Variants in GPLD1 observed in about 807,000 individuals in gnomAD.
GPLD1 encodes phosphatidylinositol-glycan-specific phospholipase D.
In GPLD1, 84 loss-of-function variants were observed where a neutral mutation model predicts 112.6. The observed-to-expected ratio is 0.75, with a 90% CI of 0.63 to 0.89. The LOEUF (loss-of-function observed/expected upper bound fraction) is 0.89. Among genes scored for constraint, GPLD1 ranks in the 40% least tolerant of loss-of-function variants. GPLD1 has a pLI of 0.00. For synonymous variants in GPLD1, 386 were observed against 403.8 expected (o/e 0.96, Z 0.53); for missense variants, 1,044 against 1,051.5 (o/e 0.99, Z 0.10).
chr6:24,460,129 C>T, intron 12 of GPLD1, 150 bp downstream of exon 12: 1 of 831,752 alleles, frequency 1.2e-6, no homozygotes, highest in East Asian at 2.5e-5. Context: ...AACTCCTGGA[C>T]TCAAGGGATC....
At chr6:24,488,134 G>A (rs1038883803) in intron 1 of GPLD1, among the ~76,000 whole-genome samples, 5 of 152,054 alleles carry the variant, frequency 3.3e-5, no homozygotes, top group Admixed American at 6.6e-5. Flanking sequence ...CAGGCCAGGC[G>A]CGATGGCTCA....
intron 22 of GPLD1, among the ~76,000 whole-genome samples, chr6:24,434,456 C>T (rs542032668): frequency 2.6e-5 from 4 of 151,708 alleles, no homozygotes; most frequent in Admixed American, 2.6e-4. Context: ...CAATTGTTAA[C>T]CAAAATATGC....
chr6:24,440,096 ACT>A (rs34913915), intron 20 of GPLD1, among the ~76,000 whole-genome samples: 18,528 of 152,058 alleles, frequency 0.12, 1,643 homozygotes, highest in East Asian at 0.43. Context: ...CACCAACTCT[ACT>A]CTCTTGAAAA....
At chr6:24,455,035 A>G (rs943939110) in intron 13 of GPLD1, among the ~76,000 whole-genome samples, 1 of 152,250 alleles carries the variant, frequency 6.6e-6, no homozygotes, top group Non-Finnish European at 1.5e-5. Flanking sequence ...AGGCTGAGGC[A>G]GGAGAATCAC....
chr6:24,491,886 G>A (rs1416082250), upstream of GPLD1, among the ~76,000 whole-genome samples: 1 of 152,132 alleles, frequency 6.6e-6, no homozygotes, highest in Non-Finnish European at 1.5e-5. Flanking sequence ...AATATTGCTT[G>A]CAGTTTTATG....
chr6:24,491,080 C>T (rs1218775990), upstream of GPLD1, among the ~76,000 whole-genome samples: 1 of 152,196 alleles, frequency 6.6e-6, no homozygotes, highest in Non-Finnish European at 1.5e-5. Context: ...CTGACGCTCC[C>T]ATGTGACACG....
Position 24,434,465 on chromosome 6 carries a change from G to A in GPLD1, c.2359-1076C>T, listed in dbSNP as rs138791028. On this transcript the variant is annotated intron_variant, in intron 22 of 24. Coordinates refer to ENST00000230036, the MANE Select transcript of GPLD1 (RefSeq NM_001503.4). ...GGATCACAATTGTTAACCAAAATAT[G>A]CACGCACATAGTGTAATACTTAAGG... Among the ~76,000 whole-genome samples the A allele has an allele frequency of 2.6e-3, 398 of 151,974 alleles. 1 individual carries two copies. The highest frequency in any genetic ancestry group is 9.0e-3 in the African/African-American group (372 of 41,440).
At chr6:24,468,910 C>A (rs1404325941) in intron 7 of GPLD1, among the ~76,000 whole-genome samples, 1 of 152,230 alleles carries the variant, frequency 6.6e-6, no homozygotes, top group Admixed American at 6.5e-5. Context: ...GAGGCTGTAT[C>A]ATGGGTGTGT....
chr6:24,429,978 T>G (rs1209688939), intron 24 of GPLD1, among the ~76,000 whole-genome samples: 1 of 152,242 alleles, frequency 6.6e-6, no homozygotes, highest in African/African-American at 2.4e-5. Flanking sequence ...GACAGTATTT[T>G]GGTCAGAGCA....
intron 6 of GPLD1, 115 bp from the exon 7 acceptor site, chr6:24,472,751 T>A (rs1192694874): frequency 7.2e-6 from 5 of 693,982 alleles, no homozygotes; most frequent in Non-Finnish European, 1.3e-5. Flanking sequence ...ATTACATGTT[T>A]TTGTTCATTG....
intron 22 of GPLD1, chr6:24,433,688 T>A (rs554559432): frequency 5.6e-5 from 16 of 283,524 alleles, no homozygotes; most frequent in South Asian, 5.3e-4. Context: ...AGAGAGGCGG[T>A]TTCACCACGT....
Position 24,426,572 on chromosome 6 carries a change from A to G in GPLD1, c.*2460T>C, listed in dbSNP as rs1762244875. On this transcript the variant is annotated 3_prime_UTR_variant, in exon 25 of 25. Coordinates refer to ENST00000230036, the MANE Select transcript of GPLD1 (RefSeq NM_001503.4). ...GAGAAAAATATAAATCGTGAGGTAA[A>G]TAATGGTCATGTTTAAACAGAGGCC... is the stretch of plus-strand genomic sequence containing the variant. Among the ~76,000 whole-genome samples the G allele has an allele frequency of 6.6e-6, 1 of 152,222 alleles. No homozygotes were observed. Among genetic ancestry groups the G allele is most frequent in the Non-Finnish European group, 1.5e-5 (1 of 68,040 alleles).
At chr6:24,442,090 T>C (rs1762766187) in intron 20 of GPLD1, among the ~76,000 whole-genome samples, 1 of 149,780 alleles carries the variant, frequency 6.7e-6, no homozygotes, top group Admixed American at 6.7e-5. Flanking sequence ...ATTATATACA[T>C]ACATAAAAGT....
chr6:24,474,332 A>G (rs932518010), intron 5 of GPLD1, among the ~76,000 whole-genome samples: 22 of 152,180 alleles, frequency 1.4e-4, no homozygotes, highest in African/African-American at 5.3e-4. Flanking sequence ...TGTAATTAAC[A>G]TAAATTAAGG....
chr6:24,445,306 T>C (rs939050406), intron 20 of GPLD1, among the ~76,000 whole-genome samples: 5 of 152,286 alleles, frequency 3.3e-5, no homozygotes, highest in Non-Finnish European at 5.9e-5. Flanking sequence ...GGATTACAGG[T>C]GTGAGCCACC....
At chr6:24,437,939 T>A (rs553161188) in intron 20 of GPLD1, among the ~76,000 whole-genome samples, 3 of 152,250 alleles carry the variant, frequency 2.0e-5, no homozygotes, top group African/African-American at 7.2e-5. Flanking sequence ...CTCCCATACA[T>A]AATAACACCG....
chr6:24,495,202 G>A, exon 1 of GPLD1: 1 of 1,506,722 alleles, frequency 6.6e-7, no homozygotes, highest in Non-Finnish European at 8.8e-7. Flanking sequence ...GGCGGCCGCT[G>A]GCTCCCGGCC....
At position 24,437,630 on chromosome 6, in the gene GPLD1, CA is replaced by C. The variant is rs1762623162; in HGVS notation, c.2021-342del. Among the ~76,000 whole-genome samples the C allele has an allele frequency of 2.0e-5, 3 of 152,286 alleles. No individual in the cohort carries two copies. The South Asian group carries it at 6.2e-4, about 32-fold the overall frequency. ...ACGCAAGTGGACTCTGGATGGAGTC[CA>C]AACTCTTCACAAGGCCTTACAGAAT... On this transcript the variant is annotated intron_variant, in intron 20 of 24. Coordinates refer to ENST00000230036, the MANE Select transcript of GPLD1 (RefSeq NM_001503.4).
intron 2 of GPLD1, among the ~76,000 whole-genome samples, chr6:24,482,514 C>G (rs1459062706): frequency 6.6e-6 from 1 of 152,188 alleles, no homozygotes; most frequent in East Asian, 1.9e-4. Flanking sequence ...CTCCTGACCT[C>G]AGGTGATCCA....
Sources: allele counts gnomAD v4.1 joint callset (sites outside exome capture counted in the v4.1 genomes callset), GRCh38; gene constraint gnomAD v4.1.1; transcripts MANE v1.5; gene names NCBI Gene and HGNC (gene_info 2026-07-23, HGNC 2026-07-21).